The following RNF212B variants were observed in gnomAD, a reference collection of about 807,000 sequenced individuals.
RNF212B encodes E3 ubiquitin-protein ligase RNF212B.
In RNF212B, 52 loss-of-function variants were observed where a neutral mutation model predicts 55.5. That is an observed-to-expected ratio of 0.94 (90% CI 0.75 to 1.18). The LOEUF is 1.18. Among genes scored for constraint, RNF212B ranks in the 50% most tolerant of loss-of-function variants. The pLI, the probability that RNF212B is intolerant of heterozygous loss-of-function variation, is 0.00. For missense variants in RNF212B, 289 were observed against 350.4 expected, an observed-to-expected ratio of 0.82 and a Z score of 1.40; for synonymous variants, 99 against 121.4, an observed-to-expected ratio of 0.82 and a Z score of 1.21.
chr14:23,212,977 G>A (rs1880677222), intron 2 of RNF212B, among the ~76,000 whole-genome samples: 1 of 151,744 alleles, frequency 6.6e-6, no homozygotes, highest in Non-Finnish European at 1.5e-5. Flanking sequence ...AAAATTATTA[G>A]GGATAAATCT....
chr14:23,202,638 T>G (rs1879415559), intron 2 of RNF212B, among the ~76,000 whole-genome samples: 1 of 152,098 alleles, frequency 6.6e-6, no homozygotes, highest in African/African-American at 2.4e-5. Flanking sequence ...GATCACGAGG[T>G]CAGGAGATCG....
In RNF212B at chr14:23,272,989, T is replaced by A. The variant is rs536056746; in HGVS notation, c.*98T>A. The A allele has an allele frequency of 1.5e-6, 1 of 678,036 alleles. No individual in the cohort carries two copies. Among genetic ancestry groups the A allele is most frequent in the Non-Finnish European group, 2.5e-6 (1 of 406,462 alleles). 42.0% of individuals were successfully genotyped at this position (678,036 alleles called of 1,614,324 possible). ...TGGCCCTGGAAAATGTATCCCTGCATTGTTTCCTAGTTTCACTCTGTACCT... is the reference window on the plus strand; with the variant it reads ...TGGCCCTGGAAAATGTATCCCTGCAATGTTTCCTAGTTTCACTCTGTACCT... On this transcript the variant is annotated 3_prime_UTR_variant, in exon 15 of 15. Coordinates refer to ENST00000430154, the MANE Select transcript of RNF212B (RefSeq NM_001282322.3).
At chr14:23,241,538 C>G (rs1289817117) in intron 2 of RNF212B, among the ~76,000 whole-genome samples, 1 of 151,990 alleles carries the variant, frequency 6.6e-6, no homozygotes, top group Non-Finnish European at 1.5e-5. Context: ...ATTCTCATGT[C>G]TCAGCCACTT....
At chr14:23,211,057 A>C (rs1302373841) in intron 2 of RNF212B, among the ~76,000 whole-genome samples, 1 of 152,006 alleles carries the variant, frequency 6.6e-6, no homozygotes, top group Non-Finnish European at 1.5e-5. Context: ...GTCTCTACTG[A>C]AAATAAAAAA....
Position 23,262,692 on chromosome 14 carries a change from T to G in RNF212B, c.462T>G (p.Ile154Met). 6.4e-7 allele frequency: 1 copy of G among 1,550,626 alleles called. No homozygotes were observed. Among genetic ancestry groups the G allele is most frequent in the Admixed American group, 2.0e-5 (1 of 50,996 alleles). ...CAATCACACCTCGACCAGTGGGCATTACTTCCCCATCACAGTCAGGTGGAG... is the reference window on the plus strand; with the variant it reads ...CAATCACACCTCGACCAGTGGGCATGACTTCCCCATCACAGTCAGGTGGAG... ...SRSITPRPVGITSPSQSVTPR... is the reference protein window; with the variant it reads ...SRSITPRPVGMTSPSQSVTPR... Residue 154 changes from isoleucine to methionine, a missense_variant, in exon 8 of 15, where the codon ATT becomes ATG. By Grantham distance (10) the Ile-to-Met change is conservative. Coordinates refer to ENST00000430154, the MANE Select transcript of RNF212B (RefSeq NM_001282322.3).
Position 23,272,923 on chromosome 14 carries a change from C to T in RNF212B, c.*32C>T, listed in dbSNP as rs1227045505. On this transcript the variant is annotated 3_prime_UTR_variant, in exon 15 of 15. Coordinates refer to ENST00000430154, the MANE Select transcript of RNF212B (RefSeq NM_001282322.3). ...TTCAAGATCTGATCTATACATGCTG[C>T]TGAAGGATGGACTGTAGCTTCCAGT... 5.3e-6 allele frequency: 7 copies of T among 1,320,032 alleles called. No individual in the cohort carries two copies. The highest frequency in any genetic ancestry group is 7.3e-6 in the Non-Finnish European group (7 of 956,036). 81.8% of individuals were successfully genotyped at this position (1,320,032 alleles called of 1,614,324 possible).
At chr14:23,260,809 G>A (rs753788853) in intron 7 of RNF212B, 122 bp downstream of exon 7, 35 of 884,434 alleles carry the variant, frequency 4.0e-5, no homozygotes, top group Non-Finnish European at 5.4e-5. Flanking sequence ...TCACTTCTCC[G>A]AGGAAGAGTT....
intron 2 of RNF212B, among the ~76,000 whole-genome samples, chr14:23,210,776 C>CAAAAAAAAAAAAAAAAAAAAAAA (rs1160221876): frequency 3.3e-5 from 2 of 60,828 alleles, no homozygotes; most frequent in Non-Finnish European, 2.7e-5. Flanking sequence ...GACTCTGTCT[C>CAAAAAAAAAAAAAAAAAAAAAAA]AAAAAAAAAA....
chr14:23,194,370 A>C lies in RNF212B; in HGVS notation c.-2+969A>C, dbSNP rs75513058. 6.9e-3 allele frequency among the ~76,000 whole-genome samples: 1,045 copies of C among 152,232 alleles called. 9 individuals are homozygous for C. The highest frequency in any genetic ancestry group is 0.023 in the African/African-American group (965 of 41,534). ...ATAAGGCTTGAAATAGATGAAGAAA[A>C]AATTGATAGAATTGAAAAACAAATT... On this transcript the variant is annotated intron_variant, in intron 2 of 15. Coordinates refer to the RNF212B transcript ENST00000399910.
At chr14:23,233,741 C>CA (rs761783082), upstream of RNF212B, among the ~76,000 whole-genome samples, 2,248 of 77,314 alleles carry the variant, frequency 0.029, 42 homozygotes, top group African/African-American at 0.053. Context: ...GACCCTGTCT[C>CA]AAAAAAAAAA....
chr14:23,263,755 A>C (rs557231569), intron 9 of RNF212B, among the ~76,000 whole-genome samples: 207 of 152,176 alleles, frequency 1.4e-3, no homozygotes, highest in African/African-American at 4.8e-3. Context: ...CCTTCCCCCA[A>C]AAAAAACGAG....
intron 9 of RNF212B, 101 bp downstream of exon 9, chr14:23,263,071 T>C (rs1885416991): frequency 8.3e-6 from 9 of 1,086,754 alleles, no homozygotes; most frequent in Admixed American, 4.4e-5. Context: ...TTTAGGTCTA[T>C]GTAGAAGTTT....
intron 11 of RNF212B, 30 bp from the exon 12 acceptor site, chr14:23,268,894 A>G (rs1009719117): frequency 1.3e-6 from 2 of 1,540,668 alleles, no homozygotes; most frequent in Non-Finnish European, 1.8e-6. Context: ...TTCATGGATT[A>G]TCTCACAGGC....
intron 1 of RNF212B, among the ~76,000 whole-genome samples, chr14:23,187,041 C>T (rs1396304715): frequency 6.6e-6 from 1 of 152,184 alleles, no homozygotes; most frequent in Non-Finnish European, 1.5e-5. Context: ...GCCCCCCCAA[C>T]ATTTGTCACC....
intron 4 of RNF212B, among the ~76,000 whole-genome samples, chr14:23,255,604 T>C (rs1253419060): frequency 1.3e-5 from 2 of 152,266 alleles, no homozygotes; most frequent in South Asian, 4.1e-4. Flanking sequence ...ATCACACCTT[T>C]AAGAAAAAGT....
At chr14:23,208,936 T>C in intron 2 of RNF212B, among the ~76,000 whole-genome samples, 1 of 151,330 alleles carries the variant, frequency 6.6e-6, no homozygotes, top group Non-Finnish European at 1.5e-5. Flanking sequence ...TTTTTTGTAT[T>C]TTTAGTAGAG....
At chr14:23,210,669 C>A (rs980446109) in intron 2 of RNF212B, among the ~76,000 whole-genome samples, 1 of 145,644 alleles carries the variant, frequency 6.9e-6, no homozygotes, top group Non-Finnish European at 1.5e-5. Context: ...CCCAGCTACT[C>A]AGGAGGCTGA....
chr14:23,240,158 G>A (rs1883462159), intron 1 of RNF212B, among the ~76,000 whole-genome samples, 187 bp from the exon 2 acceptor site: 1 of 151,514 alleles, frequency 6.6e-6, no homozygotes, highest in Non-Finnish European at 1.5e-5. Context: ...GTTATAAAAA[G>A]CAGTCTGCTT....
intron 1 of RNF212B, among the ~76,000 whole-genome samples, chr14:23,191,236 A>C (rs1390913597): frequency 6.6e-6 from 1 of 151,594 alleles, no homozygotes; most frequent in African/African-American, 2.4e-5. Context: ...GCACACCTGT[A>C]GTCCCAGCTA....
Sources: allele counts gnomAD v4.1 joint callset (sites outside exome capture counted in the v4.1 genomes callset), GRCh38; gene constraint gnomAD v4.1.1; transcripts MANE v1.5; gene names NCBI Gene and HGNC (gene_info 2026-07-23, HGNC 2026-07-21).